The following KAZN variants were observed in gnomAD, a reference collection of about 807,000 sequenced individuals.
KAZN encodes the protein kazrin.
A neutral mutation model predicts 87.4 loss-of-function variants in KAZN; 40 were observed. That is an observed-to-expected ratio of 0.46 (90% CI 0.36 to 0.60). The LOEUF (loss-of-function observed/expected upper bound fraction) is 0.60, where lower values mean the gene tolerates loss of function less well. KAZN is among the 20% of genes least tolerant of loss of function. The pLI is 0.00. For synonymous variants in KAZN, 466 were observed against 458.3 expected, an observed-to-expected ratio of 1.02 and a Z score of -0.22; for missense variants, 898 against 1,073.9, an observed-to-expected ratio of 0.84 and a Z score of 2.29.
chr1:14,474,972 ATGGATGAATGGG>A (rs1425522182), intron 2 of KAZN, among the ~76,000 whole-genome samples: 1 of 152,110 alleles, frequency 6.6e-6, no homozygotes, highest in Admixed American at 6.6e-5. Flanking sequence ...GGATGGATAG[ATGGATGAATGGG>A]TGGATGAATG....
intron 1 of KAZN, among the ~76,000 whole-genome samples, chr1:14,025,066 C>T (rs1641009766): frequency 6.6e-6 from 1 of 152,178 alleles, no homozygotes; most frequent in African/African-American, 2.4e-5. Flanking sequence ...TTTCCCTGTC[C>T]TTCCACTAAA....
At chr1:13,916,611 A>G (rs1220049420) in intron 1 of KAZN, among the ~76,000 whole-genome samples, 1 of 152,230 alleles carries the variant, frequency 6.6e-6, no homozygotes, top group African/African-American at 2.4e-5. Flanking sequence ...ACCAAATCAT[A>G]CAAATGTATG....
At chr1:14,159,279 G>T (rs962464097) in intron 1 of KAZN, among the ~76,000 whole-genome samples, 1 of 152,152 alleles carries the variant, frequency 6.6e-6, no homozygotes, top group Non-Finnish European at 1.5e-5. Flanking sequence ...AGTCTATCTG[G>T]TATTCTATTG....
intron 2 of KAZN, among the ~76,000 whole-genome samples, chr1:14,389,779 G>T (rs1662260271): frequency 6.6e-6 from 1 of 152,000 alleles, no homozygotes; most frequent in Admixed American, 6.6e-5. Context: ...AGCTAGAAAG[G>T]GTGAGTAAGA....
At chr1:13,979,308 C>G (rs1468020902) in intron 1 of KAZN, among the ~76,000 whole-genome samples, 1 of 152,038 alleles carries the variant, frequency 6.6e-6, no homozygotes, top group East Asian at 1.9e-4. Flanking sequence ...GGTGTTTTAG[C>G]TTGAAAGAAG....
At chr1:14,928,491 T>C (rs1039213437) in intron 1 of KAZN, among the ~76,000 whole-genome samples, 7 of 152,096 alleles carry the variant, frequency 4.6e-5, no homozygotes, top group African/African-American at 1.7e-4. Context: ...ACATTGTTTC[T>C]GGTCTCTTTT....
At chr1:14,782,554 CAAAAAAA>C (rs71572122) in intron 1 of KAZN, among the ~76,000 whole-genome samples, 19 of 66,252 alleles carry the variant, frequency 2.9e-4, no homozygotes, top group African/African-American at 9.9e-4. Flanking sequence ...CCTCAAAGAG[CAAAAAAA>C]AAAAAAAAAA....
chr1:15,018,134 A>C (rs930228838), intron 2 of KAZN, among the ~76,000 whole-genome samples: 5 of 152,044 alleles, frequency 3.3e-5, no homozygotes, highest in Non-Finnish European at 7.4e-5. Flanking sequence ...TCTATCTCAG[A>C]AGTCTAAAGT....
chr1:14,283,913 T>C (rs909800535), intron 2 of KAZN, among the ~76,000 whole-genome samples: 43 of 152,110 alleles, frequency 2.8e-4, no homozygotes, highest in Non-Finnish European at 5.9e-4. Context: ...AATGAAATAG[T>C]GTTTGACCAT....
intron 2 of KAZN, among the ~76,000 whole-genome samples, chr1:14,402,084 T>C (rs955665037): frequency 1.4e-4 from 1 of 7,180 alleles, no homozygotes; most frequent in Non-Finnish European, 2.6e-4. Flanking sequence ...GTTATGAGTC[T>C]ATGTAAAAAA....
chr1:14,202,736 A>G (rs1249361838), intron 2 of KAZN, among the ~76,000 whole-genome samples: 5 of 152,148 alleles, frequency 3.3e-5, no homozygotes, highest in Non-Finnish European at 7.3e-5. Context: ...CATTTCCCCT[A>G]TTGAAGCAAT....
intron 1 of KAZN, among the ~76,000 whole-genome samples, chr1:14,676,239 C>T (rs1431888614): frequency 6.6e-6 from 1 of 152,210 alleles, no homozygotes; most frequent in African/African-American, 2.4e-5. Flanking sequence ...AATTACACTC[C>T]TTCCCCTGCC....
At chr1:14,461,255 T>C (rs1667835600) in intron 2 of KAZN, among the ~76,000 whole-genome samples, 1 of 152,124 alleles carries the variant, frequency 6.6e-6, no homozygotes, top group South Asian at 2.1e-4. Flanking sequence ...CCCACCCAAA[T>C]CTCATCTTGA....
chr1:14,718,028 T>C lies in KAZN; in HGVS notation c.226+118805T>C, dbSNP rs115756861. ...CATTGAGCCTGGCCTCTATCACCTGTGGTGACTGGGGTAGCACCGCCAAAG... is the reference window on the plus strand; with the variant it reads ...CATTGAGCCTGGCCTCTATCACCTGCGGTGACTGGGGTAGCACCGCCAAAG... On this transcript the variant is annotated intron_variant, in intron 1 of 14. Transcript: ENST00000376030. 6.6e-3 allele frequency among the ~76,000 whole-genome samples: 1,002 copies of C among 152,316 alleles called. 15 individuals carry two copies. Among genetic ancestry groups the C allele is most frequent in the African/African-American group, 0.023 (953 of 41,570 alleles).
intron 1 of KAZN, among the ~76,000 whole-genome samples, chr1:14,770,198 G>A (rs1280584800): frequency 6.6e-6 from 1 of 152,138 alleles, no homozygotes; most frequent in Non-Finnish European, 1.5e-5. Context: ...AGCCATAGAA[G>A]GTTTTAAACA....
rs70997137 is a variant in KAZN at position 14,348,051 on chromosome 1, A to ATTTTTTT, written c.249+167470_249+167476dup. Among the ~76,000 whole-genome samples, 87 of 117,844 alleles carry ATTTTTTT rather than the reference A, an allele frequency of 7.4e-4. 2 individuals carry two copies. Among genetic ancestry groups the ATTTTTTT allele is most frequent in the Admixed American group, 1.8e-3 (18 of 10,048 alleles). The allele number at this position is 117,844 out of a possible 152,430, so 77.3% of individuals were successfully genotyped here. A position where few individuals can be genotyped will look rare whatever the true frequency, so the allele number is the denominator to read the frequency against. On this transcript the variant is annotated intron_variant, in intron 2 of 16. Transcript: ENST00000636203. ...AGGTGGGTGTCACCACACCTGGCTA[A>ATTTTTTT]TTTTTTTTTTTTTTTTTGAGATGAA...
intron 2 of KAZN, among the ~76,000 whole-genome samples, chr1:15,005,810 T>G (rs1328749499): frequency 1.3e-5 from 2 of 151,366 alleles, no homozygotes; most frequent in Non-Finnish European, 2.9e-5. Context: ...AAAAATTGTT[T>G]TAACCTAAAG....
intron 2 of KAZN, among the ~76,000 whole-genome samples, chr1:14,422,530 A>G (rs1398777148): frequency 6.6e-6 from 1 of 152,112 alleles, no homozygotes; most frequent in East Asian, 1.9e-4. Flanking sequence ...TTCTCTTACT[A>G]CCTCTTCCAT....
chr1:14,293,911 C>T (rs1328767499), intron 2 of KAZN, among the ~76,000 whole-genome samples: 1 of 152,126 alleles, frequency 6.6e-6, no homozygotes, highest in African/African-American at 2.4e-5. Context: ...TCTGCTTTCC[C>T]AAGCAGAGAC....
Sources: allele counts gnomAD v4.1 joint callset (sites outside exome capture counted in the v4.1 genomes callset), GRCh38; gene constraint gnomAD v4.1.1; transcripts MANE v1.5; gene names NCBI Gene and HGNC (gene_info 2026-07-23, HGNC 2026-07-21).